The following COL10A1 variants were observed in gnomAD, a reference collection of about 807,000 sequenced individuals.
COL10A1 encodes collagen type X alpha 1 chain, also known as collagen alpha-1(X) chain.
Under a neutral mutation model 18.2 loss-of-function variants are expected in COL10A1, and 10 were observed. The ratio of observed to expected loss-of-function variants is 0.55; its 90% confidence interval spans 0.34 to 0.93. COL10A1 has a LOEUF of 0.93. Among genes scored for constraint, COL10A1 ranks in the 40% least tolerant of loss-of-function variants. COL10A1 has a pLI of 0.02. For missense variants in COL10A1, 897 were observed against 853.5 expected (o/e 1.05, Z -0.64); for synonymous variants, 330 against 316.6 (o/e 1.04, Z -0.45).
Position 116,120,751 on chromosome 6 carries a change from CCCAATAGGGCCTCTAGTA to C in COL10A1, c.1347_1364del (p.Thr450_Gly455del). 1.2e-6 allele frequency: 2 copies of C among 1,604,096 alleles called. No homozygotes were observed. The highest frequency in any genetic ancestry group is 2.2e-5 in the South Asian group (2 of 90,266). ...CAGGGAATCCTGGAATGCCTGGTGG[CCCAATAGGGCCTCTAGTA>C]CCTGGTATTCCAGGGGCACCTCTTG... On this transcript the variant is annotated inframe_deletion, in exon 3 of 3. Transcript: ENST00000651968.
upstream of COL10A1, among the ~76,000 whole-genome samples, chr6:116,159,264 A>T (rs1780275309): frequency 6.6e-6 from 1 of 152,140 alleles, no homozygotes; most frequent in African/African-American, 2.4e-5. Context: ...ATTTCACCGT[A>T]TGAGGTTTAT....
the COL10A1 span, among the ~76,000 whole-genome samples, chr6:116,183,919 A>T: frequency 6.6e-6 from 1 of 152,042 alleles, no homozygotes; most frequent in Non-Finnish European, 1.5e-5. Context: ...TGCTGTGGCT[A>T]GGACTTCCAG....
chr6:116,155,569 A>G (rs1780168646), intron 1 of COL10A1, among the ~76,000 whole-genome samples: 1 of 152,120 alleles, frequency 6.6e-6, no homozygotes, highest in Non-Finnish European at 1.5e-5. Flanking sequence ...AATCCATCCA[A>G]AATCACATGT....
chr6:116,151,382 TTA>T (rs1780033267), intron 1 of COL10A1, among the ~76,000 whole-genome samples: 1 of 152,236 alleles, frequency 6.6e-6, no homozygotes, highest in East Asian at 1.9e-4. Context: ...GAAAGATTCT[TTA>T]TGTTTTCAAC....
intron 1 of COL10A1, among the ~76,000 whole-genome samples, chr6:116,152,326 A>C (rs963859030): frequency 6.6e-6 from 1 of 152,332 alleles, no homozygotes; most frequent in South Asian, 2.1e-4. Context: ...AACTTATCGT[A>C]CCATTTAACT....
At chr6:116,159,261 C>T (rs1408894196), upstream of COL10A1, among the ~76,000 whole-genome samples, 10 of 151,828 alleles carry the variant, frequency 6.6e-5, no homozygotes, top group East Asian at 1.4e-3. Flanking sequence ...TTGATTTCAC[C>T]GTATGAGGTT....
chr6:116,182,815 AT>A, the COL10A1 span, among the ~76,000 whole-genome samples: 1 of 151,676 alleles, frequency 6.6e-6, no homozygotes, highest in Non-Finnish European at 1.5e-5. Flanking sequence ...GATTGTAAAG[AT>A]TTTTTTCCCC....
chr6:116,156,856 ATTACATCACAACTCTTGCCACAACCCC>A (rs1283513114), intron 1 of COL10A1, among the ~76,000 whole-genome samples: 2 of 152,142 alleles, frequency 1.3e-5, no homozygotes, highest in Non-Finnish European at 2.9e-5. Flanking sequence ...CCACGGCCCC[ATTACATCACAACTCTTGCCACAACCCC>A]TTTTGTTCTC....
At chr6:116,198,027 A>T in the COL10A1 span, among the ~76,000 whole-genome samples, 4 of 152,174 alleles carry the variant, frequency 2.6e-5, no homozygotes, top group Admixed American at 6.5e-5. Context: ...AATGTCCTTC[A>T]TCAGCTTGCT....
chr6:116,145,472 A>T (rs376416945), intron 1 of COL10A1: 3 of 382,382 alleles, frequency 7.8e-6, no homozygotes, highest in Non-Finnish European at 1.8e-5. Context: ...TTCAGGATAT[A>T]TCTACAAGTT....
chr6:116,207,759 T>A, the COL10A1 span, among the ~76,000 whole-genome samples: 3 of 152,056 alleles, frequency 2.0e-5, no homozygotes, highest in South Asian at 6.2e-4. Flanking sequence ...CGTGCCCAGG[T>A]TCCCACTGTA....
intron 1 of COL10A1, among the ~76,000 whole-genome samples, chr6:116,140,118 G>A (rs557394842): frequency 1.1e-4 from 17 of 152,192 alleles, no homozygotes; most frequent in South Asian, 8.3e-4. Context: ...GTTGAATGCC[G>A]CCCTCCTATG....
chr6:116,121,124 G>T lies in COL10A1; in HGVS notation c.992C>A (p.Pro331His). 4 of 1,613,458 alleles carry T rather than the reference G, an allele frequency of 2.5e-6. No individual in the cohort carries two copies. Among genetic ancestry groups the T allele is most frequent in the Admixed American group, 1.7e-5 (1 of 59,988 alleles). ...AKGEQGPAGL[P>H]GKPGLTGPPG... is the part of the protein sequence containing the mutation. ...GGGTCCAGTCAGACCTGGCTTCCCA[G>T]GAAGACCTGCTGGCCCTTGTTCCCC... The change falls in exon 3 of 3, where the codon CCT becomes CAT. Residue 331 changes from proline to histidine, a missense_variant. Physicochemically the swap from Pro to His is moderately conservative, Grantham distance 77. Coordinates refer to ENST00000651968, the MANE Select transcript of COL10A1 (RefSeq NM_000493.4).
At chr6:116,138,637 TATA>T (rs931461059) in intron 1 of COL10A1, among the ~76,000 whole-genome samples, 4 of 152,200 alleles carry the variant, frequency 2.6e-5, no homozygotes, top group African/African-American at 9.7e-5. Flanking sequence ...CATGGCTTGT[TATA>T]ATGATTAAAA....
In COL10A1 at chr6:116,120,570, G is replaced by A; in HGVS notation, c.1546C>T (p.Pro516Ser). The stretch of plus-strand genomic sequence containing the variant: ...CCCTCAGGCATGACTGCTTGACCTG[G>A]TGGGCCTGGAGGCCCAGGGGGCCCT... Reference protein sequence around the residue: ...LPGPPGPPGPPGQAVMPEGFI... With the variant: ...LPGPPGPPGPSGQAVMPEGFI... Residue 516 changes from proline to serine, a missense_variant, in exon 3 of 3, where the codon CCA becomes TCA. Transcript: ENST00000651968. 6.2e-7 allele frequency: 1 copy of A among 1,606,524 alleles called. No homozygotes were observed. Among genetic ancestry groups the A allele is most frequent in the South Asian group, 1.1e-5 (1 of 89,958 alleles).
chr6:116,124,863 C>T (rs548035660), intron 2 of COL10A1, among the ~76,000 whole-genome samples: 8 of 152,228 alleles, frequency 5.3e-5, no homozygotes, highest in African/African-American at 1.7e-4. Context: ...GGGGGGAGGC[C>T]ATCAGATTTT....
At chr6:116,158,340 A>G (rs1483259171) in intron 1 of COL10A1, among the ~76,000 whole-genome samples, 1 of 151,902 alleles carries the variant, frequency 6.6e-6, no homozygotes, top group African/African-American at 2.4e-5. Context: ...TTCTGTTTAA[A>G]TCTCCTACTC....
the COL10A1 span, among the ~76,000 whole-genome samples, chr6:116,182,730 ATTGT>A: frequency 8.3e-3 from 1,249 of 150,952 alleles, 18 homozygotes; most frequent in African/African-American, 0.029. Flanking sequence ...TTTTGATGTG[ATTGT>A]TTGTTTTTTT....
rs1403154159 is a variant in COL10A1, at chr6:116,120,835, T to C, written c.1281A>G (p.Ala427=). 4.3e-6 allele frequency: 7 copies of C among 1,613,870 alleles called. No individual in the cohort carries two copies. The East Asian group carries it at 1.6e-4, about 36-fold the overall frequency. The change falls in exon 3 of 3, where the codon GCA becomes GCG. Residue 427 remains alanine (A), a synonymous_variant. Coordinates refer to ENST00000651968, the MANE Select transcript of COL10A1 (RefSeq NM_000493.4). The part of the protein sequence containing the change: ...PPGLPGPVGP[A]GAKGMPGHNG... ...TGTGTCCGGGCATTCCCTTTGCTCC[T>C]GCTGGGCCCACAGGGCCTGGGAGAC...
Sources: gnomAD v4.1 joint callset for allele counts (sites outside exome capture counted in the v4.1 genomes callset) on GRCh38, gnomAD v4.1.1 for gene constraint, MANE v1.5 for transcripts, NCBI Gene and HGNC (gene_info 2026-07-23, HGNC 2026-07-21) for gene names.